Variants in ATG10 observed in about 807,000 individuals in gnomAD.
The protein encoded by ATG10 is ubiquitin-like-conjugating enzyme ATG10.
A neutral mutation model predicts 32.1 loss-of-function variants in ATG10; 30 were observed. That is an observed-to-expected ratio of 0.94 (90% confidence interval 0.70 to 1.27). The LOEUF is 1.27. ATG10 is among the 50% of genes most tolerant of loss of function. The probability of loss-of-function intolerance (pLI) is 0.00; values close to 1 mark genes in which losing one functional copy is unlikely to be tolerated. For missense variants in ATG10, 233 were observed against 262.3 expected (o/e 0.89, Z 0.77); for synonymous variants, 87 against 91.5 (o/e 0.95, Z 0.28).
At chr5:82,207,640 T>C (rs1424607079) in intron 5 of ATG10, among the ~76,000 whole-genome samples, 2 of 152,248 alleles carry the variant, frequency 1.3e-5, no homozygotes, top group African/African-American at 4.8e-5. Flanking sequence ...TAATGTGGTC[T>C]AATTTAAGAA....
intron 3 of ATG10, among the ~76,000 whole-genome samples, chr5:82,133,625 G>A (rs535779715): frequency 6.6e-6 from 1 of 152,068 alleles, no homozygotes; most frequent in South Asian, 2.1e-4. Flanking sequence ...AGTTACCGTA[G>A]CCTTGTAGTG....
At chr5:82,102,237 A>G (rs751064279) in intron 3 of ATG10, among the ~76,000 whole-genome samples, 5 of 152,136 alleles carry the variant, frequency 3.3e-5, no homozygotes, top group Admixed American at 6.6e-5. Flanking sequence ...AGGTGTTTCA[A>G]TTATATATGT....
At chr5:82,138,371 A>G (rs1344226715) in intron 3 of ATG10, among the ~76,000 whole-genome samples, 1 of 152,208 alleles carries the variant, frequency 6.6e-6, no homozygotes, top group Non-Finnish European at 1.5e-5. Flanking sequence ...CACTCAAGCG[A>G]GTCTCCTGGT....
chr5:82,211,866 T>G (rs1183272572), intron 5 of ATG10, among the ~76,000 whole-genome samples: 2 of 152,246 alleles, frequency 1.3e-5, no homozygotes, highest in Non-Finnish European at 2.9e-5. Context: ...CTATGCCCAG[T>G]GTAGATTCTA....
intron 5 of ATG10, among the ~76,000 whole-genome samples, chr5:82,217,276 T>G (rs1281694790): frequency 2.0e-5 from 3 of 152,124 alleles, no homozygotes; most frequent in Non-Finnish European, 4.4e-5. Flanking sequence ...AAATTCAGTG[T>G]CCTCCTATAT....
chr5:82,066,921 T>A (rs1380487042), intron 3 of ATG10, among the ~76,000 whole-genome samples: 1 of 152,162 alleles, frequency 6.6e-6, no homozygotes, highest in African/African-American at 2.4e-5. Context: ...TAGATGTAAA[T>A]GATGACTAAG....
intron 3 of ATG10, among the ~76,000 whole-genome samples, chr5:82,062,167 TA>T (rs1431219040): frequency 2.0e-5 from 3 of 152,090 alleles, no homozygotes; most frequent in Admixed American, 1.3e-4. Flanking sequence ...TAGAATAACA[TA>T]TTTTTTTTCA....
At chr5:82,035,763 T>C (rs1561266068) in intron 2 of ATG10, among the ~76,000 whole-genome samples, 1 of 148,048 alleles carries the variant, frequency 6.8e-6, no homozygotes, top group African/African-American at 2.4e-5. Flanking sequence ...TATAATAATA[T>C]AAAAATATAT....
intron 5 of ATG10, among the ~76,000 whole-genome samples, chr5:82,184,444 C>A (rs906617536): frequency 6.6e-6 from 1 of 152,082 alleles, no homozygotes; most frequent in African/African-American, 2.4e-5. Context: ...TAGGATCCCC[C>A]CTTCCCACCC....
chr5:82,130,603 T>C (rs902665634), intron 3 of ATG10, among the ~76,000 whole-genome samples: 8 of 151,426 alleles, frequency 5.3e-5, no homozygotes, highest in African/African-American at 2.0e-4. Flanking sequence ...GGGAGTGAGT[T>C]CCCCGACCCC....
At chr5:81,993,711 C>T (rs1761576139) in intron 2 of ATG10, among the ~76,000 whole-genome samples, 1 of 152,010 alleles carries the variant, frequency 6.6e-6, no homozygotes. Flanking sequence ...CAGACGTGAG[C>T]CACCGTGCCC....
At chr5:82,154,425 G>A (rs553701418) in intron 3 of ATG10, among the ~76,000 whole-genome samples, 1 of 152,238 alleles carries the variant, frequency 6.6e-6, no homozygotes, top group South Asian at 2.1e-4. Context: ...GTATACCTAT[G>A]TGCCAGATAT....
intron 5 of ATG10, among the ~76,000 whole-genome samples, chr5:82,228,977 A>C (rs1377498613): frequency 6.6e-6 from 1 of 152,256 alleles, no homozygotes; most frequent in East Asian, 1.9e-4. Context: ...CCCGTGGCAG[A>C]AAGTCGATTT....
At chr5:82,219,322 A>G (rs1561363577) in intron 5 of ATG10, among the ~76,000 whole-genome samples, 1 of 152,150 alleles carries the variant, frequency 6.6e-6, no homozygotes, top group Admixed American at 6.6e-5. Flanking sequence ...TTTAAAATGG[A>G]GATTAGTACT....
rs1385393559 is a variant in ATG10 at position 82,056,384 on chromosome 5, CT to C, written c.109-2110del. Among the ~76,000 whole-genome samples, 4 of 149,634 alleles carry C rather than the reference CT, an allele frequency of 2.7e-5. No homozygotes were observed. In the South Asian group the frequency reaches 6.4e-4, roughly 24 times the overall value. On this transcript the variant is annotated intron_variant, in intron 2 of 7. Coordinates refer to ENST00000282185, the MANE Select transcript of ATG10 (RefSeq NM_031482.5). ...CTGTATCTCATGGTCTTGCTTTCCT[CT>C]GAGTTGCAGAGCCAACTTCGTTTAA...
chr5:81,993,409 T>TTTTC (rs1761559593), intron 2 of ATG10, among the ~76,000 whole-genome samples: 2 of 137,904 alleles, frequency 1.5e-5, no homozygotes, highest in South Asian at 2.3e-4. Context: ...TTTTCTTTTC[T>TTTTC]TTTCTTTTCT....
rs558459702 is a variant in ATG10, at chr5:82,193,241, A to G, written c.453+14654A>G. The stretch of plus-strand genomic sequence containing the variant: ...TGTATCTTAGTATGTCCTACAGTTC[A>G]TCTAGAATTGGATAGTGTCAGTATT... On this transcript the variant is annotated intron_variant, in intron 5 of 7. Coordinates refer to ENST00000282185, the MANE Select transcript of ATG10 (RefSeq NM_031482.5). 1.1e-4 allele frequency among the ~76,000 whole-genome samples: 16 copies of G among 152,332 alleles called. No individual in the cohort carries two copies. In the South Asian group the frequency reaches 3.3e-3, roughly 32 times the overall value.
intron 2 of ATG10, among the ~76,000 whole-genome samples, chr5:82,027,945 A>G (rs1383133633): frequency 6.6e-6 from 1 of 152,210 alleles, no homozygotes; most frequent in Non-Finnish European, 1.5e-5. Context: ...TGAACATTTT[A>G]AGGTTCTGCA....
chr5:82,052,914 A>G (rs1274840051), intron 2 of ATG10, among the ~76,000 whole-genome samples: 1 of 152,194 alleles, frequency 6.6e-6, no homozygotes, highest in South Asian at 2.1e-4. Flanking sequence ...TTCCAACCTT[A>G]TACTATTAAA....
Sources: allele counts gnomAD v4.1 joint callset (sites outside exome capture counted in the v4.1 genomes callset), GRCh38; gene constraint gnomAD v4.1.1; transcripts MANE v1.5; gene names NCBI Gene and HGNC (gene_info 2026-07-23, HGNC 2026-07-21).